TEX36: variants seen among roughly 807,000 people sequenced by gnomAD.
The protein encoded by TEX36 is testis expressed 36, also known as testis-expressed protein 36.
In TEX36, 12 loss-of-function variants were observed where a neutral mutation model predicts 13.6. That is an observed-to-expected ratio of 0.88 (90% CI 0.56 to 1.43). TEX36 has a LOEUF of 1.43. Among genes scored for constraint, TEX36 ranks in the 40% most tolerant of loss-of-function variants. TEX36 has a pLI of 0.00. For synonymous variants in TEX36, 93 were observed against 83.0 expected, an observed-to-expected ratio of 1.12 and a Z score of -0.65; for missense variants, 224 against 228.3, an observed-to-expected ratio of 0.98 and a Z score of 0.12.
downstream of TEX36, among the ~76,000 whole-genome samples, chr10:125,654,808 T>TA (rs1181118274): frequency 2.0e-5 from 3 of 152,192 alleles, no homozygotes; most frequent in Non-Finnish European, 4.4e-5. Context: ...AATTCACAGG[T>TA]ACGGTTGGTA....
rs552363100 is a variant in TEX36, at chr10:125,630,300, G to T, written c.265-8655C>A. On this transcript the variant is annotated intron_variant, in intron 3 of 3. Transcript: ENST00000526819. The stretch of plus-strand genomic sequence containing the variant: ...TTCAGACAGGGGATGGATTATCTGG[G>T]GTCTCAGGAAGGAGGCTCAAAGTCT... Among the ~76,000 whole-genome samples the T allele has an allele frequency of 3.3e-5, 5 of 152,258 alleles. No homozygotes were observed. The South Asian group carries it at 1.0e-3, about 32-fold the overall frequency.
At chr10:125,588,771 C>T (rs11244570) in intron 3 of TEX36, among the ~76,000 whole-genome samples, 46,408 of 152,078 alleles carry the variant, frequency 0.31, 8,700 homozygotes, top group East Asian at 0.47. Context: ...TGTGCCACCA[C>T]GCCCAGCTAA....
intron 3 of TEX36, chr10:125,578,340 T>G (rs1013612185): frequency 2.0e-4 from 30 of 152,226 alleles, no homozygotes; most frequent in African/African-American, 6.5e-4. Flanking sequence ...CTATGGATGA[T>G]GAAAATAAAT....
intron 1 of TEX36, among the ~76,000 whole-genome samples, chr10:125,665,437 G>A (rs182591266): frequency 6.6e-6 from 1 of 152,142 alleles, no homozygotes; most frequent in East Asian, 1.9e-4. Flanking sequence ...GTGAGATATA[G>A]GTGTCCAGTT....
intron 3 of TEX36, among the ~76,000 whole-genome samples, chr10:125,602,718 C>G (rs1361672495): frequency 6.6e-6 from 1 of 152,196 alleles, no homozygotes; most frequent in African/African-American, 2.4e-5. Context: ...GGTGAAGGTA[C>G]AGAATAAGTC....
intron 3 of TEX36, among the ~76,000 whole-genome samples, chr10:125,606,965 A>G (rs1049854804): frequency 6.6e-6 from 1 of 152,212 alleles, no homozygotes; most frequent in East Asian, 1.9e-4. Context: ...AAAGCGCCCA[A>G]CTGGATGCGA....
downstream of TEX36, among the ~76,000 whole-genome samples, chr10:125,618,806 T>C (rs552399033): frequency 6.6e-6 from 1 of 151,672 alleles, no homozygotes; most frequent in South Asian, 2.1e-4. Context: ...GCAGTGACGG[T>C]GTTAAAGAGA....
intron 3 of TEX36, among the ~76,000 whole-genome samples, chr10:125,608,695 C>T (rs1038307595): frequency 6.6e-6 from 1 of 152,118 alleles, no homozygotes; most frequent in African/African-American, 2.4e-5. Flanking sequence ...TGTGCCAGCA[C>T]TAGGGATGCA....
chr10:125,637,924 A>G (rs1259994208), intron 3 of TEX36, among the ~76,000 whole-genome samples: 1 of 151,584 alleles, frequency 6.6e-6, no homozygotes, highest in Non-Finnish European at 1.5e-5. Flanking sequence ...GCAAGTCCAG[A>G]CCACCCCCCT....
downstream of TEX36, among the ~76,000 whole-genome samples, chr10:125,619,083 T>C (rs1846396304): frequency 6.7e-6 from 1 of 149,808 alleles, no homozygotes; most frequent in Non-Finnish European, 1.5e-5. Context: ...TGAGCCGAGA[T>C]CGCGTCACTG....
chr10:125,676,386 CT>C (rs1847312736), intron 1 of TEX36, among the ~76,000 whole-genome samples: 1 of 152,086 alleles, frequency 6.6e-6, no homozygotes, highest in Admixed American at 6.6e-5. Flanking sequence ...ATTTTTTTTA[CT>C]GTTCTTGACT....
At chr10:125,578,957 C>A (rs1845855882) in intron 3 of TEX36, among the ~76,000 whole-genome samples, 1 of 152,188 alleles carries the variant, frequency 6.6e-6, no homozygotes, top group Non-Finnish European at 1.5e-5. Context: ...CTTCCTAGTT[C>A]TTGAAGCCCC....
intron 3 of TEX36, among the ~76,000 whole-genome samples, chr10:125,646,814 T>C (rs1242249016): frequency 1.3e-5 from 2 of 151,906 alleles, no homozygotes; most frequent in African/African-American, 4.8e-5. Context: ...TACAGACCAA[T>C]CTCCATAAAA....
At chr10:125,579,886 C>T (rs1164931427) in intron 3 of TEX36, among the ~76,000 whole-genome samples, 3 of 152,138 alleles carry the variant, frequency 2.0e-5, no homozygotes, top group Admixed American at 2.0e-4. Flanking sequence ...AATTAAACCT[C>T]CCTTCTTTAT....
intron 3 of TEX36, among the ~76,000 whole-genome samples, chr10:125,638,059 C>T (rs1056235221): frequency 6.6e-6 from 1 of 152,008 alleles, no homozygotes; most frequent in African/African-American, 2.4e-5. Context: ...GACCTCTCTC[C>T]ACCTCCCTCA....
chr10:125,619,876 A>AATAT (rs929660900), downstream of TEX36, among the ~76,000 whole-genome samples: 3 of 150,326 alleles, frequency 2.0e-5, no homozygotes, highest in Admixed American at 6.7e-5. Context: ...TTTATTTATA[A>AATAT]ATATATATAT....
Position 125,661,951 on chromosome 10 carries a change from C to A in TEX36, c.78G>T (p.Lys26Asn). The change falls in exon 2 of 4, where the codon AAG becomes AAT. Residue 26 changes from lysine (K) to asparagine (N), a missense_variant. Lys to Asn is a moderately conservative substitution (Grantham distance 94, BLOSUM62 0). Transcript: ENST00000368821. ...TAGCACTGGTGATGGATTCTGGTGT[C>A]TTTTGCGTTAGCCCGATGTGAGGGA... ...RWFPHIGLTQ[K>N]TPESITSATS... 3 of 1,552,370 alleles carry A rather than the reference C, an allele frequency of 1.9e-6. No individual in the cohort carries two copies. Among genetic ancestry groups the A allele is most frequent in the Non-Finnish European group, 1.7e-6 (2 of 1,147,138 alleles).
intron 3 of TEX36, 51 bp downstream of exon 3, chr10:125,660,970 A>T: frequency 6.8e-7 from 1 of 1,464,312 alleles, no homozygotes; most frequent in Non-Finnish European, 9.4e-7. Context: ...GAAAATCAAG[A>T]TCCCTTGTGT....
At chr10:125,618,151 C>T (rs1273537631), downstream of TEX36, among the ~76,000 whole-genome samples, 2 of 152,106 alleles carry the variant, frequency 1.3e-5, no homozygotes, top group Non-Finnish European at 2.9e-5. Context: ...CTCCTTTAAG[C>T]ACTTCTCTGT....
Sources: allele counts gnomAD v4.1 joint callset (sites outside exome capture counted in the v4.1 genomes callset), GRCh38; gene constraint gnomAD v4.1.1; transcripts MANE v1.5; gene names NCBI Gene and HGNC (gene_info 2026-07-23, HGNC 2026-07-21).